BMPR1B: variants seen among roughly 807,000 people sequenced by gnomAD.
BMPR1B encodes the protein bone morphogenetic protein receptor type 1B.
Under a neutral mutation model 59.1 loss-of-function variants are expected in BMPR1B, and 12 were observed. The ratio of observed to expected loss-of-function variants is 0.20; its 90% CI spans 0.13 to 0.33. The LOEUF (loss-of-function observed/expected upper bound fraction) is 0.33, where lower values mean the gene tolerates loss of function less well. Among genes scored for constraint, BMPR1B ranks in the 10% least tolerant of loss-of-function variants. The pLI, the probability that BMPR1B is intolerant of heterozygous loss-of-function variation, is 1.00. For missense variants in BMPR1B, 550 were observed against 610.9 expected (o/e 0.90, Z 1.05); for synonymous variants, 237 against 207.3 (o/e 1.14, Z -1.23).
chr4:94,797,923 C>T (rs972241087), intron 1 of BMPR1B, among the ~76,000 whole-genome samples: 1 of 152,136 alleles, frequency 6.6e-6, no homozygotes, highest in Non-Finnish European at 1.5e-5. Flanking sequence ...GACTGTTTGC[C>T]ATAGTAGTTA....
intron 1 of BMPR1B, among the ~76,000 whole-genome samples, chr4:94,786,529 TTTTA>T (rs909132505): frequency 3.3e-5 from 5 of 151,980 alleles, no homozygotes; most frequent in African/African-American, 4.8e-5. Context: ...CTTAGCTAAT[TTTTA>T]TTTATTTATT....
intron 1 of BMPR1B, among the ~76,000 whole-genome samples, chr4:94,781,550 T>G (rs527240756): frequency 1.3e-5 from 2 of 152,108 alleles, no homozygotes; most frequent in South Asian, 4.2e-4. Context: ...GTAGCTGGGA[T>G]TACAGGTGCC....
intron 4 of BMPR1B, among the ~76,000 whole-genome samples, chr4:95,112,653 TA>T (rs977783916): frequency 2.6e-5 from 4 of 152,120 alleles, no homozygotes; most frequent in Non-Finnish European, 5.9e-5. Flanking sequence ...TTATGGCTTA[TA>T]GGGGAAGGGA....
intron 1 of BMPR1B, among the ~76,000 whole-genome samples, chr4:94,770,180 G>GTTTTTTTTTTTTTTTTTTTTTTTTTTTTT (rs1553903537): frequency 5.6e-5 from 6 of 106,278 alleles, no homozygotes; most frequent in African/African-American, 2.1e-4. Context: ...CTTCGTTTCT[G>GTTTTTTTTTTTTTTTTTTTTTTTTTTTTT]TGTTTGTTTT....
chr4:94,947,792 C>G (rs1388312109), intron 2 of BMPR1B, among the ~76,000 whole-genome samples: 1 of 151,848 alleles, frequency 6.6e-6, no homozygotes, highest in Non-Finnish European at 1.5e-5. Flanking sequence ...TACTCCATTC[C>G]TGAAAGGAAT....
In BMPR1B at chr4:95,056,605, C is replaced by T. The variant is rs368563975; in HGVS notation, c.-17-47803C>T. Among the ~76,000 whole-genome samples the T allele has an allele frequency of 2.7e-3, 408 of 152,280 alleles. 2 individuals carry two copies. Among genetic ancestry groups the T allele is most frequent in the African/African-American group, 9.1e-3 (377 of 41,546 alleles). ...GAGGGCCTTGTGCACGTTCCACTCTCGCTGTGTGCGTCTGCTCCCTTCTTT... is the reference window on the plus strand; with the variant it reads ...GAGGGCCTTGTGCACGTTCCACTCTTGCTGTGTGCGTCTGCTCCCTTCTTT... On this transcript the variant is annotated intron_variant, in intron 3 of 12. Transcript: ENST00000515059.
chr4:95,141,796 A>G (rs1734247961), intron 10 of BMPR1B, among the ~76,000 whole-genome samples: 3 of 152,126 alleles, frequency 2.0e-5, no homozygotes, highest in Admixed American at 2.0e-4. Context: ...GCTCTCTGGT[A>G]TTAAATTAAA....
At position 94,875,831 on chromosome 4, in the gene BMPR1B, G is replaced by A. The variant is rs143230133; in HGVS notation, c.-182G>A. On this transcript the variant is annotated splice_region_variant and 5_prime_UTR_variant, in exon 2 of 13. Coordinates refer to ENST00000515059, the MANE Select transcript of BMPR1B (RefSeq NM_001203.3). ...TCAGTTTTTGTCTCTTTGTTGACAG[G>A]GTGGAGTTCAGCCTACTCTTTCTTA... 5 of 152,652 alleles carry A rather than the reference G, an allele frequency of 3.3e-5. No individual in the cohort carries two copies. The East Asian group carries it at 9.7e-4, about 30-fold the overall frequency. 9.5% of individuals were successfully genotyped at this position (152,652 alleles called of 1,614,324 possible). A position where few individuals can be genotyped will look rare whatever the true frequency, so the allele number is the denominator to read the frequency against.
intron 1 of BMPR1B, among the ~76,000 whole-genome samples, chr4:94,780,254 G>A (rs976899302): frequency 3.9e-5 from 6 of 152,034 alleles, no homozygotes; most frequent in East Asian, 1.9e-4. Flanking sequence ...TAGACATTCC[G>A]TAAAATGGAA....
At chr4:95,135,469 C>T (rs1387109587) in intron 10 of BMPR1B, among the ~76,000 whole-genome samples, 5 of 152,082 alleles carry the variant, frequency 3.3e-5, no homozygotes, top group East Asian at 3.8e-4. Context: ...GCCATTTTCA[C>T]GATACTGATT....
chr4:94,891,592 C>T (rs17022477), intron 2 of BMPR1B, among the ~76,000 whole-genome samples: 43,066 of 151,918 alleles, frequency 0.28, 7,792 homozygotes, highest in African/African-American at 0.51. Flanking sequence ...GCCACACATT[C>T]TAATCCTGGC....
At chr4:95,136,737 G>A (rs1296329815) in intron 10 of BMPR1B, among the ~76,000 whole-genome samples, 5 of 152,096 alleles carry the variant, frequency 3.3e-5, no homozygotes, top group African/African-American at 9.7e-5. Context: ...TTGTATTTCT[G>A]TGGGATCGGT....
chr4:94,814,281 G>C (rs1262448208), intron 1 of BMPR1B, among the ~76,000 whole-genome samples: 1 of 152,082 alleles, frequency 6.6e-6, no homozygotes, highest in Non-Finnish European at 1.5e-5. Context: ...TTCATAACTT[G>C]GAAAGGAAAA....
At chr4:94,978,624 C>A (rs1028146702) in intron 2 of BMPR1B, among the ~76,000 whole-genome samples, 3 of 152,170 alleles carry the variant, frequency 2.0e-5, no homozygotes, top group Non-Finnish European at 2.9e-5. Flanking sequence ...CATGGGAAAT[C>A]ATATAATATC....
intron 2 of BMPR1B, among the ~76,000 whole-genome samples, chr4:94,923,663 T>C (rs1340062096): frequency 6.6e-6 from 1 of 152,192 alleles, no homozygotes; most frequent in Non-Finnish European, 1.5e-5. Flanking sequence ...TTCAAATGAA[T>C]TTATTTCCAG....
At chr4:95,015,249 T>C (rs535501231) in intron 3 of BMPR1B, among the ~76,000 whole-genome samples, 5 of 152,306 alleles carry the variant, frequency 3.3e-5, no homozygotes, top group African/African-American at 1.2e-4. Context: ...AAAAATGTTC[T>C]TGACAAAGTA....
intron 3 of BMPR1B, among the ~76,000 whole-genome samples, chr4:95,070,229 A>G (rs1304389244): frequency 6.6e-6 from 1 of 152,226 alleles, no homozygotes; most frequent in Non-Finnish European, 1.5e-5. Context: ...CAATCAGGTA[A>G]GAAATGATGA....
chr4:94,874,977 A>G (rs1199778333), intron 1 of BMPR1B, among the ~76,000 whole-genome samples: 3 of 152,158 alleles, frequency 2.0e-5, no homozygotes, highest in South Asian at 2.1e-4. Flanking sequence ...TGGGCAACAG[A>G]GCGAGACACC....
intron 2 of BMPR1B, among the ~76,000 whole-genome samples, chr4:94,890,348 A>C (rs1412138963): frequency 6.6e-6 from 1 of 152,076 alleles, no homozygotes; most frequent in African/African-American, 2.4e-5. Flanking sequence ...TTACTTGTTA[A>C]ATAAATGTAA....
Sources: gnomAD v4.1 joint callset for allele counts (sites outside exome capture counted in the v4.1 genomes callset) on GRCh38, gnomAD v4.1.1 for gene constraint, MANE v1.5 for transcripts, NCBI Gene and HGNC (gene_info 2026-07-23, HGNC 2026-07-21) for gene names.